SASH1: variants seen among roughly 807,000 people sequenced by gnomAD.
SASH1 encodes the protein SAM and SH3 domain-containing protein 1.
In SASH1, 44 loss-of-function variants were observed where a neutral mutation model predicts 125.2. That is an observed-to-expected ratio of 0.35 (90% CI 0.28 to 0.45). The LOEUF (loss-of-function observed/expected upper bound fraction) is 0.45, where lower values mean the gene tolerates loss of function less well. Among genes scored for constraint, SASH1 ranks in the 20% least tolerant of loss-of-function variants. The pLI, the probability that SASH1 is intolerant of heterozygous loss-of-function variation, is 1.00. For missense variants in SASH1, 1,426 were observed against 1,614.5 expected (o/e 0.88, Z 2.00); for synonymous variants, 639 against 649.1 (o/e 0.98, Z 0.24).
At chr6:148,428,826 A>C (rs1775936834) in intron 2 of SASH1, among the ~76,000 whole-genome samples, 1 of 152,116 alleles carries the variant, frequency 6.6e-6, no homozygotes, top group South Asian at 2.1e-4. Flanking sequence ...GTGAAATAAA[A>C]ATTTCCCCCT....
intron 17 of SASH1, among the ~76,000 whole-genome samples, chr6:148,540,998 C>T (rs1424540979): frequency 6.6e-6 from 1 of 152,004 alleles, no homozygotes; most frequent in Non-Finnish European, 1.5e-5. Context: ...TTTGTGGCCT[C>T]TCTGTACAGC....
intron 1 of SASH1, among the ~76,000 whole-genome samples, chr6:148,371,716 A>T (rs2114749433): frequency 6.6e-6 from 1 of 152,196 alleles, no homozygotes; most frequent in East Asian, 1.9e-4. Context: ...AAATAAGGAA[A>T]GGCAGAGTGG....
At position 148,472,250 on chromosome 6, in the gene SASH1, T is replaced by G. The variant is rs533406887; in HGVS notation, c.514+747T>G. ...TACAAAATCTTAGTGTCCTGTGCTGTGTGGAACGTCTGTCTAATTATCAGT... is the reference window on the plus strand; with the variant it reads ...TACAAAATCTTAGTGTCCTGTGCTGGGTGGAACGTCTGTCTAATTATCAGT... On this transcript the variant is annotated intron_variant, in intron 6 of 19. Coordinates refer to ENST00000367467, the MANE Select transcript of SASH1 (RefSeq NM_015278.5). 2.0e-5 allele frequency among the ~76,000 whole-genome samples: 3 copies of G among 152,276 alleles called. No homozygotes were observed. The East Asian group carries it at 5.8e-4, about 29-fold the overall frequency.
At chr6:148,330,012 A>G (rs1164183081) in intron 1 of SASH1, among the ~76,000 whole-genome samples, 6 of 152,164 alleles carry the variant, frequency 3.9e-5, no homozygotes, top group African/African-American at 1.4e-4. Flanking sequence ...GGGCTCCACC[A>G]TGCATCTGGC....
the SASH1 span, among the ~76,000 whole-genome samples, chr6:148,200,673 C>T: frequency 6.6e-6 from 1 of 152,144 alleles, no homozygotes; most frequent in Admixed American, 6.5e-5. Flanking sequence ...TTGAACAGAC[C>T]TCGCACAGGC....
intron 17 of SASH1, 103 bp downstream of exon 17, chr6:148,540,659 A>C: frequency 1.2e-6 from 1 of 856,660 alleles, no homozygotes. Context: ...GAACTCAGCA[A>C]TCATCGTTTC....
intron 7 of SASH1, among the ~76,000 whole-genome samples, chr6:148,483,861 G>T (rs949911464): frequency 1.1e-4 from 17 of 152,184 alleles, no homozygotes; most frequent in Admixed American, 9.2e-4. Flanking sequence ...TTATAAAAGC[G>T]ACTGTGCATC....
At chr6:148,393,845 G>A (rs564881898) in intron 2 of SASH1, 102 of 363,136 alleles carry the variant, frequency 2.8e-4, no homozygotes, top group Non-Finnish European at 3.7e-4. Flanking sequence ...ATTGTAGTTA[G>A]CAAGTAAGAC....
intron 2 of SASH1, among the ~76,000 whole-genome samples, chr6:148,425,542 A>G (rs1473397090): frequency 6.6e-6 from 1 of 152,208 alleles, no homozygotes; most frequent in Non-Finnish European, 1.5e-5. Flanking sequence ...TTTCAAGCAT[A>G]TAGACAGTTA....
chr6:148,515,047 C>G (rs192863230), intron 9 of SASH1, among the ~76,000 whole-genome samples: 1 of 152,170 alleles, frequency 6.6e-6, no homozygotes, highest in Admixed American at 6.5e-5. Context: ...CAAAAGACAT[C>G]AGCTTGGATT....
chr6:148,474,084 T>G, intron 6 of SASH1, 26 bp from the exon 7 acceptor site: 9 of 1,465,502 alleles, frequency 6.1e-6, no homozygotes, highest in Non-Finnish European at 7.6e-6. Context: ...TTTTCACTCC[T>G]GTTGTTCTTT....
At position 148,284,957 on chromosome 6, in the gene SASH1, T is replaced by G. The variant is rs373928924; in HGVS notation, n.74+12580T>G. On this transcript the variant is annotated intron_variant and non_coding_transcript_variant, in intron 1 of 3. Transcript: ENST00000367469. ...AGATTTTGAAAATTTTGTTTAATAT[T>G]TAATACTTTTTCAAACAAAACAAAC... Among the ~76,000 whole-genome samples, 13 of 152,282 alleles carry G rather than the reference T, an allele frequency of 8.5e-5. No individual in the cohort carries two copies. In the East Asian group the frequency reaches 2.5e-3, roughly 29 times the overall value.
intron 1 of SASH1, among the ~76,000 whole-genome samples, chr6:148,329,054 T>C (rs1335605778): frequency 1.3e-5 from 2 of 152,172 alleles, no homozygotes. Flanking sequence ...CCTGCCCCAA[T>C]AGGTGACCTC....
intron 8 of SASH1, among the ~76,000 whole-genome samples, chr6:148,496,780 G>A (rs1475307890): frequency 6.6e-6 from 1 of 152,012 alleles, no homozygotes; most frequent in African/African-American, 2.4e-5. Context: ...GGCTGAGTCG[G>A]GAGGATTTCT....
At chr6:148,201,458 G>A in the SASH1 span, among the ~76,000 whole-genome samples, 1 of 152,116 alleles carries the variant, frequency 6.6e-6, no homozygotes, top group Admixed American at 6.5e-5. Flanking sequence ...AGATTGCTGG[G>A]CCCACCACTG....
chr6:148,195,657 G>A, the SASH1 span, among the ~76,000 whole-genome samples: 4 of 152,194 alleles, frequency 2.6e-5, no homozygotes, highest in African/African-American at 7.2e-5. Context: ...GTGGCTTCCC[G>A]TGAGAGAGCT....
chr6:148,510,118 T>C (rs2115308665), intron 8 of SASH1, among the ~76,000 whole-genome samples: 1 of 152,342 alleles, frequency 6.6e-6, no homozygotes. Flanking sequence ...AATGTTGCTA[T>C]GGAAACCAGA....
At chr6:148,290,770 G>A (rs1173738239) in intron 1 of SASH1, among the ~76,000 whole-genome samples, 1 of 148,512 alleles carries the variant, frequency 6.7e-6, no homozygotes, top group Non-Finnish European at 1.5e-5. Flanking sequence ...GGGAAAACCA[G>A]AGACCTTTGT....
At chr6:148,513,197 A>G (rs1780248471) in intron 8 of SASH1, 2 of 985,450 alleles carry the variant, frequency 2.0e-6, no homozygotes, top group Non-Finnish European at 2.4e-6. Flanking sequence ...TTAGATTTGT[A>G]TTCAGAGATG....
Sources: allele counts gnomAD v4.1 joint callset (sites outside exome capture counted in the v4.1 genomes callset), GRCh38; gene constraint gnomAD v4.1.1; transcripts MANE v1.5; gene names NCBI Gene and HGNC (gene_info 2026-07-23, HGNC 2026-07-21).